Variants in DCLK2 observed in about 807,000 individuals in gnomAD.
DCLK2 encodes the protein doublecortin like kinase 2, also known as serine/threonine-protein kinase DCLK2.
DCLK2 carries 31 observed loss-of-function variants against 78.4 expected under a neutral mutation model. That is an observed-to-expected ratio of 0.40 (90% CI 0.30 to 0.53). DCLK2 has a LOEUF of 0.53. Ranked by LOEUF, DCLK2 falls within the 20% of genes least tolerant of loss-of-function variation. The probability of loss-of-function intolerance (pLI) is 0.61; values close to 1 mark genes in which losing one functional copy is unlikely to be tolerated. For missense variants in DCLK2, 872 were observed against 973.7 expected (o/e 0.90, Z 1.39); for synonymous variants, 407 against 374.9 (o/e 1.09, Z -0.99).
At chr4:150,142,589 A>C (rs1734181421) in intron 2 of DCLK2, among the ~76,000 whole-genome samples, 1 of 152,164 alleles carries the variant, frequency 6.6e-6, no homozygotes, top group South Asian at 2.1e-4. Context: ...AATTGACTTC[A>C]AGCTTTTTAT....
intron 15 of DCLK2, chr4:150,253,122 T>C: frequency 2.2e-6 from 1 of 455,034 alleles, no homozygotes. Context: ...CTCATCCTCC[T>C]CATCCTCCTC....
chr4:150,112,340 T>C (rs1046510096), intron 2 of DCLK2, among the ~76,000 whole-genome samples: 1 of 152,208 alleles, frequency 6.6e-6, no homozygotes, highest in African/African-American at 2.4e-5. Context: ...TTACCAAATT[T>C]AGGAGCAGAG....
At chr4:150,100,162 C>T (rs1730788598) in intron 1 of DCLK2, among the ~76,000 whole-genome samples, 1 of 152,200 alleles carries the variant, frequency 6.6e-6, no homozygotes. Flanking sequence ...TTCCTCTTGC[C>T]TTGGCCTTCC....
intron 2 of DCLK2, among the ~76,000 whole-genome samples, chr4:150,116,160 A>T (rs1732070760): frequency 6.6e-6 from 1 of 152,176 alleles, no homozygotes; most frequent in Non-Finnish European, 1.5e-5. Context: ...CTGAACCTGG[A>T]GGGCACTCCT....
At chr4:150,191,709 C>G (rs978764719) in intron 2 of DCLK2, among the ~76,000 whole-genome samples, 3 of 152,156 alleles carry the variant, frequency 2.0e-5, no homozygotes, top group Admixed American at 6.5e-5. Context: ...CAGGCAGTCT[C>G]CATGCCTGTT....
Position 150,227,104 on chromosome 4 carries a change from A to G in DCLK2, c.1299+2546A>G, listed in dbSNP as rs141159930. ...AACAGACTCAGATTAAATAGCTTCC[A>G]AAAAAGTCACACAGAGACTGACCTG... On this transcript the variant is annotated intron_variant, in intron 8 of 15. Coordinates refer to ENST00000296550, the MANE Select transcript of DCLK2 (RefSeq NM_001040260.4). Among the ~76,000 whole-genome samples the G allele has an allele frequency of 3.4e-3, 523 of 152,308 alleles. 3 individuals carry two copies. Among genetic ancestry groups the G allele is most frequent in the African/African-American group, 0.012 (503 of 41,562 alleles).
intron 10 of DCLK2, among the ~76,000 whole-genome samples, chr4:150,235,881 C>T (rs1385851239): frequency 1.3e-5 from 2 of 152,142 alleles, no homozygotes; most frequent in African/African-American, 4.8e-5. Context: ...TAAAACCCTG[C>T]CAGTGGAGAT....
chr4:150,198,982 C>A lies in DCLK2; in HGVS notation c.961+879C>A, dbSNP rs765420734. 5.5e-6 allele frequency: 8 copies of A among 1,464,294 alleles called. No individual in the cohort carries two copies. The East Asian group carries it at 1.8e-4, about 34-fold the overall frequency. 90.7% of individuals were successfully genotyped at this position (1,464,294 alleles called of 1,614,324 possible). A position where few individuals can be genotyped will look rare whatever the true frequency, so the allele number is the denominator to read the frequency against. ...CGCACATTTAGAGCTGCTGAATAAC[C>A]ACTCTCCTTACTGTCTTCTACTCTG... On this transcript the variant is annotated intron_variant, in intron 4 of 15. Coordinates refer to ENST00000296550, the MANE Select transcript of DCLK2 (RefSeq NM_001040260.4).
At chr4:150,219,523 A>G (rs1165514410) in intron 5 of DCLK2, among the ~76,000 whole-genome samples, 1 of 152,054 alleles carries the variant, frequency 6.6e-6, no homozygotes, top group Non-Finnish European at 1.5e-5. Flanking sequence ...GGCCTCCCAA[A>G]GTGCTGGGAT....
chr4:150,247,916 T>C (rs1743456904), intron 13 of DCLK2, among the ~76,000 whole-genome samples: 1 of 152,256 alleles, frequency 6.6e-6, no homozygotes, highest in African/African-American at 2.4e-5. Flanking sequence ...TCCATCCTCT[T>C]GTGCTCCTCT....
At chr4:150,187,719 G>C (rs1738059377) in intron 2 of DCLK2, among the ~76,000 whole-genome samples, 1 of 152,110 alleles carries the variant, frequency 6.6e-6, no homozygotes, top group Non-Finnish European at 1.5e-5. Context: ...ACTTTAAATG[G>C]GTGGAGGCTG....
chr4:150,204,993 A>G (rs578190699), intron 5 of DCLK2, among the ~76,000 whole-genome samples: 1 of 152,284 alleles, frequency 6.6e-6, no homozygotes, highest in South Asian at 2.1e-4. Context: ...GTATGTGTAT[A>G]CATAAATTAA....
chr4:150,145,761 TCAA>T (rs1196924227), intron 2 of DCLK2, among the ~76,000 whole-genome samples: 1 of 152,212 alleles, frequency 6.6e-6, no homozygotes, highest in African/African-American at 2.4e-5. Flanking sequence ...CTGAGACCAC[TCAA>T]CTACTATGTG....
chr4:150,226,297 C>T (rs1293430515), intron 8 of DCLK2, among the ~76,000 whole-genome samples: 1 of 151,378 alleles, frequency 6.6e-6, no homozygotes, highest in African/African-American at 2.4e-5. Flanking sequence ...CAAAATGCCC[C>T]TTTTCCTTTG....
At chr4:150,220,615 A>G (rs1393479089) in intron 5 of DCLK2, 88 bp from the exon 6 acceptor site, 18 of 1,103,498 alleles carry the variant, frequency 1.6e-5, no homozygotes, top group Non-Finnish European at 2.3e-5. Context: ...ACATTTTTAC[A>G]TTCTGTAAGC....
chr4:150,137,261 C>T (rs1733761291), intron 2 of DCLK2, among the ~76,000 whole-genome samples: 1 of 152,094 alleles, frequency 6.6e-6, no homozygotes, highest in Non-Finnish European at 1.5e-5. Flanking sequence ...AGCTTCCCTC[C>T]ACATGTCTCT....
At chr4:150,190,875 T>A (rs1404619049) in intron 2 of DCLK2, among the ~76,000 whole-genome samples, 2 of 152,144 alleles carry the variant, frequency 1.3e-5, no homozygotes, top group Non-Finnish European at 2.9e-5. Flanking sequence ...GAGGATTGCT[T>A]GAGCCCAGGA....
chr4:150,217,721 C>T (rs1201839098), intron 5 of DCLK2, among the ~76,000 whole-genome samples: 1 of 152,152 alleles, frequency 6.6e-6, no homozygotes, highest in Non-Finnish European at 1.5e-5. Flanking sequence ...AATTATGTTT[C>T]TCTGTTCAGC....
At chr4:150,252,213 G>C (rs1416969695) in intron 15 of DCLK2, among the ~76,000 whole-genome samples, 1 of 152,192 alleles carries the variant, frequency 6.6e-6, no homozygotes, top group Non-Finnish European at 1.5e-5. Context: ...TTGATGGATG[G>C]GCTCAGTGGT....
Sources: allele counts gnomAD v4.1 joint callset (sites outside exome capture counted in the v4.1 genomes callset), GRCh38; gene constraint gnomAD v4.1.1; transcripts MANE v1.5; gene names NCBI Gene and HGNC (gene_info 2026-07-23, HGNC 2026-07-21).